Variants in LCLAT1 observed in about 807,000 individuals in gnomAD.
LCLAT1 encodes lysocardiolipin acyltransferase 1, also known as 1-AGP acyltransferase 8.
A neutral mutation model predicts 30.7 loss-of-function variants in LCLAT1; 11 were observed. The observed-to-expected ratio is 0.36, with a 90% CI of 0.23 to 0.59. The LOEUF (loss-of-function observed/expected upper bound fraction) is 0.59, where lower values mean the gene tolerates loss of function less well. Ranked by LOEUF, LCLAT1 falls within the 20% of genes least tolerant of loss-of-function variation. LCLAT1 has a pLI of 0.77. For synonymous variants in LCLAT1, 155 were observed against 151.3 expected, an observed-to-expected ratio of 1.02 and a Z score of -0.18; for missense variants, 402 against 458.6, an observed-to-expected ratio of 0.88 and a Z score of 1.13.
intron 1 of LCLAT1, among the ~76,000 whole-genome samples, chr2:30,522,218 T>C (rs1685510834): frequency 6.6e-6 from 1 of 152,194 alleles, no homozygotes; most frequent in African/African-American, 2.4e-5. Context: ...TCAGTAGAAT[T>C]TCTGGGTTTT....
intron 1 of LCLAT1, among the ~76,000 whole-genome samples, chr2:30,470,022 C>T (rs1044774805): frequency 4.6e-5 from 7 of 152,166 alleles, no homozygotes; most frequent in African/African-American, 9.7e-5. Flanking sequence ...TGAGTCACCA[C>T]GCCCAGCAAG....
At chr2:30,516,595 C>G (rs1008653282) in intron 1 of LCLAT1, among the ~76,000 whole-genome samples, 5 of 152,150 alleles carry the variant, frequency 3.3e-5, no homozygotes, top group African/African-American at 1.2e-4. Context: ...GGTTCCATTC[C>G]TTGGAATCCT....
At chr2:30,564,326 A>C (rs1242688202) in intron 4 of LCLAT1, among the ~76,000 whole-genome samples, 1 of 152,174 alleles carries the variant, frequency 6.6e-6, no homozygotes, top group Non-Finnish European at 1.5e-5. Flanking sequence ...TATTTGGTAA[A>C]TAAAAACTAA....
At chr2:30,455,285 A>C (rs1351977816) in intron 1 of LCLAT1, among the ~76,000 whole-genome samples, 1 of 152,178 alleles carries the variant, frequency 6.6e-6, no homozygotes, top group Non-Finnish European at 1.5e-5. Context: ...CCTTTTGCAT[A>C]CATATTTACT....
chr2:30,601,477 C>G (rs1667181756), intron 5 of LCLAT1, among the ~76,000 whole-genome samples: 1 of 152,088 alleles, frequency 6.6e-6, no homozygotes, highest in African/African-American at 2.4e-5. Context: ...AACAACGAAG[C>G]AGAACACTAA....
chr2:30,558,405 G>A (rs1193811435), intron 3 of LCLAT1, among the ~76,000 whole-genome samples: 1 of 152,014 alleles, frequency 6.6e-6, no homozygotes, highest in Non-Finnish European at 1.5e-5. Context: ...TTTGAGACCA[G>A]CCTGGCCAAC....
At chr2:30,567,456 G>A (rs191957590) in intron 4 of LCLAT1, among the ~76,000 whole-genome samples, 5 of 151,942 alleles carry the variant, frequency 3.3e-5, no homozygotes, top group Admixed American at 3.3e-4. Context: ...ACACTTCCTT[G>A]CACCATGTAT....
intron 1 of LCLAT1, among the ~76,000 whole-genome samples, chr2:30,524,045 C>G (rs553510553): frequency 4.7e-5 from 7 of 147,694 alleles, no homozygotes; most frequent in Admixed American, 2.1e-4. Flanking sequence ...CTCTCAGATA[C>G]CTTTTTGCTA....
chr2:30,511,376 T>C (rs1684931410), intron 1 of LCLAT1, among the ~76,000 whole-genome samples: 1 of 152,240 alleles, frequency 6.6e-6, no homozygotes, highest in Non-Finnish European at 1.5e-5. Flanking sequence ...TACACTCCTG[T>C]CTTCTGCCTA....
chr2:30,588,454 G>A (rs1666539038), intron 5 of LCLAT1, among the ~76,000 whole-genome samples: 1 of 152,176 alleles, frequency 6.6e-6, no homozygotes, highest in South Asian at 2.1e-4. Context: ...TGAGGAGAGT[G>A]GATGAAAATT....
At chr2:30,477,697 G>A (rs935034087) in intron 1 of LCLAT1, among the ~76,000 whole-genome samples, 4 of 152,152 alleles carry the variant, frequency 2.6e-5, no homozygotes, top group African/African-American at 7.2e-5. Context: ...GAGAAGGAAT[G>A]TGAGAAGAAA....
chr2:30,481,419 A>T (rs1460781122), intron 1 of LCLAT1, among the ~76,000 whole-genome samples: 1 of 152,166 alleles, frequency 6.6e-6, no homozygotes, highest in Non-Finnish European at 1.5e-5. Flanking sequence ...AAGACAACTG[A>T]TGGCTGAGTG....
chr2:30,622,895 G>A (rs1668332591), intron 5 of LCLAT1, among the ~76,000 whole-genome samples: 1 of 152,076 alleles, frequency 6.6e-6, no homozygotes, highest in African/African-American at 2.4e-5. Flanking sequence ...ACAAAAGAAG[G>A]TTCTTTAAGA....
intron 1 of LCLAT1, among the ~76,000 whole-genome samples, chr2:30,475,172 T>A (rs950769186): frequency 5.3e-5 from 8 of 151,570 alleles, no homozygotes; most frequent in African/African-American, 1.9e-4. Context: ...TAATAAATTT[T>A]TTTTTTTGTA....
chr2:30,526,254 T>C (rs573410188), intron 2 of LCLAT1, among the ~76,000 whole-genome samples: 2 of 152,294 alleles, frequency 1.3e-5, no homozygotes, highest in South Asian at 4.1e-4. Flanking sequence ...ATTATATGTA[T>C]GTTAGATTGA....
chr2:30,634,791 C>A (rs1030705681), intron 5 of LCLAT1, among the ~76,000 whole-genome samples: 2 of 152,128 alleles, frequency 1.3e-5, no homozygotes, highest in African/African-American at 4.8e-5. Flanking sequence ...AGTATTTTAG[C>A]CCAGTTATAA....
At chr2:30,614,930 A>AGAGG (rs1455998230) in intron 5 of LCLAT1, among the ~76,000 whole-genome samples, 1 of 152,100 alleles carries the variant, frequency 6.6e-6, no homozygotes, top group Non-Finnish European at 1.5e-5. Context: ...CAGGAAGCCA[A>AGAGG]GAGGGAGGGA....
chr2:30,457,750 C>T (rs829576), intron 1 of LCLAT1, among the ~76,000 whole-genome samples: 33,298 of 152,132 alleles, frequency 0.22, 3,753 homozygotes, highest in East Asian at 0.35. Flanking sequence ...TTGTTTCTTT[C>T]AGTTATCCTT....
intron 5 of LCLAT1, among the ~76,000 whole-genome samples, chr2:30,622,589 G>A (rs971046994): frequency 1.4e-4 from 22 of 152,142 alleles, no homozygotes; most frequent in Non-Finnish European, 2.9e-4. Context: ...GCAGGTGCTG[G>A]TATCCACGAC....
Sources: allele counts gnomAD v4.1 joint callset (sites outside exome capture counted in the v4.1 genomes callset), GRCh38; gene constraint gnomAD v4.1.1; transcripts MANE v1.5; gene names NCBI Gene and HGNC (gene_info 2026-07-23, HGNC 2026-07-21).